The following ROBO2 variants were observed in gnomAD, a reference collection of about 807,000 sequenced individuals.
ROBO2 encodes the protein roundabout homolog 2.
A neutral mutation model predicts 160.8 loss-of-function variants in ROBO2; 53 were observed. The observed-to-expected ratio is 0.33, with a 90% CI of 0.26 to 0.41. The LOEUF (loss-of-function observed/expected upper bound fraction) is 0.41, where lower values mean the gene tolerates loss of function less well. Ranked by LOEUF, ROBO2 falls within the 10% of genes least tolerant of loss-of-function variation. The pLI, the probability that ROBO2 is intolerant of heterozygous loss-of-function variation, is 1.00. For missense variants in ROBO2, 1,577 were observed against 1,722.4 expected (o/e 0.92, Z 1.49); for synonymous variants, 664 against 611.7 (o/e 1.09, Z -1.26).
At chr3:76,926,845 T>C (rs2077022119) in intron 2 of ROBO2, among the ~76,000 whole-genome samples, 1 of 152,180 alleles carries the variant, frequency 6.6e-6, no homozygotes, top group Non-Finnish European at 1.5e-5. Context: ...TAGCTCATTA[T>C]TGTAACCTAT....
chr3:76,164,369 A>G (rs1433384336), intron 2 of ROBO2, among the ~76,000 whole-genome samples: 2 of 152,164 alleles, frequency 1.3e-5, no homozygotes, highest in Admixed American at 6.5e-5. Context: ...TGACATCTAG[A>G]AAGGTGAATT....
chr3:77,576,213 G>A (rs1357050782), intron 14 of ROBO2, among the ~76,000 whole-genome samples: 4 of 152,194 alleles, frequency 2.6e-5, no homozygotes, highest in African/African-American at 9.6e-5. Flanking sequence ...TCACAAAGAG[G>A]AATAGGAAAG....
intron 2 of ROBO2, among the ~76,000 whole-genome samples, chr3:76,364,939 T>C (rs2075727360): frequency 1.3e-5 from 2 of 152,098 alleles, no homozygotes; most frequent in Non-Finnish European, 2.9e-5. Context: ...TTCCTATAAA[T>C]TCGCTTGGAT....
intron 2 of ROBO2, among the ~76,000 whole-genome samples, chr3:77,013,222 A>G (rs1419935248): frequency 3.3e-5 from 5 of 152,172 alleles, no homozygotes; most frequent in African/African-American, 1.2e-4. Flanking sequence ...AAGAGAGTAG[A>G]AAAATAATGA....
At chr3:77,282,964 A>AAG (rs1288731921) in intron 2 of ROBO2, among the ~76,000 whole-genome samples, 13 of 151,960 alleles carry the variant, frequency 8.6e-5, no homozygotes, top group Non-Finnish European at 1.8e-4. Context: ...TGCTTTTAAA[A>AAG]AAAAAAAAAA....
chr3:77,466,346 G>T (rs916241787), intron 2 of ROBO2, among the ~76,000 whole-genome samples: 16 of 152,086 alleles, frequency 1.1e-4, no homozygotes, highest in Non-Finnish European at 1.9e-4. Context: ...CAAGCATGTG[G>T]AATATGTTTT....
At chr3:77,440,388 A>G (rs2079788507) in intron 2 of ROBO2, among the ~76,000 whole-genome samples, 1 of 152,186 alleles carries the variant, frequency 6.6e-6, no homozygotes. Context: ...AATAAAAGTT[A>G]AATCACCAGT....
intron 2 of ROBO2, among the ~76,000 whole-genome samples, chr3:77,164,105 T>C (rs969753392): frequency 2.0e-5 from 3 of 152,212 alleles, no homozygotes; most frequent in African/African-American, 7.2e-5. Context: ...TATTGTGCTA[T>C]AGGTTTGCAA....
At chr3:77,328,497 T>C (rs1374001401) in intron 2 of ROBO2, among the ~76,000 whole-genome samples, 1 of 152,210 alleles carries the variant, frequency 6.6e-6, no homozygotes, top group Non-Finnish European at 1.5e-5. Flanking sequence ...AGCTTTTATA[T>C]ACAGATCACC....
At chr3:77,325,919 C>G (rs552543427) in intron 2 of ROBO2, among the ~76,000 whole-genome samples, 1 of 152,268 alleles carries the variant, frequency 6.6e-6, no homozygotes, top group East Asian at 1.9e-4. Flanking sequence ...AAGATCCGTG[C>G]TTTCACCTTG....
chr3:77,480,315 C>G (rs1411208013), intron 3 of ROBO2, among the ~76,000 whole-genome samples: 3 of 139,078 alleles, frequency 2.2e-5, no homozygotes, highest in Non-Finnish European at 4.7e-5. Context: ...AAAAAAAAAA[C>G]TGGAAAAGAA....
At chr3:76,214,006 C>A (rs1369328288) in intron 2 of ROBO2, among the ~76,000 whole-genome samples, 1 of 152,094 alleles carries the variant, frequency 6.6e-6, no homozygotes, top group Non-Finnish European at 1.5e-5. Flanking sequence ...TTAACGTCTT[C>A]CAGAAGCACC....
chr3:77,013,306 A>T (rs576920417), intron 2 of ROBO2, among the ~76,000 whole-genome samples: 3 of 152,176 alleles, frequency 2.0e-5, no homozygotes, highest in African/African-American at 7.2e-5. Context: ...TGTTTAGGTA[A>T]TTTCTATTAA....
At chr3:77,287,141 T>C (rs760230967) in intron 2 of ROBO2, among the ~76,000 whole-genome samples, 43 of 152,316 alleles carry the variant, frequency 2.8e-4, no homozygotes, top group Non-Finnish European at 5.0e-4. Context: ...CCTTACGCTC[T>C]TGAAATAAAC....
intron 2 of ROBO2, among the ~76,000 whole-genome samples, chr3:76,958,780 A>AAAAAC (rs71104643): frequency 0.16 from 24,646 of 151,988 alleles, 2,397 homozygotes; most frequent in Non-Finnish European, 0.22. Flanking sequence ...TGCGAGAGGC[A>AAAAAC]AAAACAAAAC....
At chr3:76,192,592 A>G (rs1287452024) in intron 2 of ROBO2, among the ~76,000 whole-genome samples, 1 of 149,002 alleles carries the variant, frequency 6.7e-6, no homozygotes, top group Non-Finnish European at 1.5e-5. Flanking sequence ...TTTTTTTTTT[A>G]CATTTATACC....
chr3:76,642,342 T>TG (rs2090726814), intron 2 of ROBO2, among the ~76,000 whole-genome samples: 1 of 66,284 alleles, frequency 1.5e-5, no homozygotes, highest in Non-Finnish European at 2.6e-5. Flanking sequence ...TTACACTTGC[T>TG]TTTTTTTTTT....
chr3:76,823,559 A>G (rs2066302264), intron 2 of ROBO2, among the ~76,000 whole-genome samples: 1 of 152,148 alleles, frequency 6.6e-6, no homozygotes, highest in Admixed American at 6.6e-5. Context: ...ATAGTTTAAA[A>G]AGGTAGAGAT....
chr3:76,519,560 A>G lies in ROBO2; in HGVS notation c.110-578454A>G, dbSNP rs193153529. On this transcript the variant is annotated intron_variant, in intron 2 of 26. Coordinates refer to the ROBO2 transcript ENST00000487694. ...GGATAATTTAATAAACTAGCTTGAC[A>G]TCTCTAAGAAAATATCTAGCATTGT... Among the ~76,000 whole-genome samples the G allele has an allele frequency of 2.2e-3, 330 of 152,266 alleles. 3 individuals carry two copies. The highest frequency in any genetic ancestry group is 7.5e-3 in the African/African-American group (313 of 41,552).
Sources: allele counts gnomAD v4.1 joint callset (sites outside exome capture counted in the v4.1 genomes callset), GRCh38; gene constraint gnomAD v4.1.1; transcripts MANE v1.5; gene names NCBI Gene and HGNC (gene_info 2026-07-23, HGNC 2026-07-21).